The following SMIM10L1 variants were observed in gnomAD, a reference collection of about 807,000 sequenced individuals.
SMIM10L1 encodes small integral membrane protein 10-like protein 1.
In SMIM10L1, 6 loss-of-function variants were observed where a neutral mutation model predicts 4.5. That is an observed-to-expected ratio of 1.33 (90% CI 0.73 to 2.62). SMIM10L1 has a LOEUF of 2.62. SMIM10L1 is among the 30% of genes most tolerant of loss of function. The pLI is 0.00. For synonymous variants in SMIM10L1, 49 were observed against 42.2 expected, an observed-to-expected ratio of 1.16 and a Z score of -0.63; for missense variants, 66 against 86.2, an observed-to-expected ratio of 0.77 and a Z score of 0.93.
rs1947837745 is a variant in SMIM10L1, at chr12:11,171,361, C to A, written c.5C>A (p.Ala2Asp). 1 of 1,231,576 alleles carries A rather than the reference C, an allele frequency of 8.1e-7. No individual in the cohort carries two copies. Among genetic ancestry groups the A allele is most frequent in the Non-Finnish European group, 1.0e-6 (1 of 987,562 alleles). 76.3% of individuals were successfully genotyped at this position (1,231,576 alleles called of 1,614,324 possible). M[A>D]PAAAPSSLAV... ...GCGGGCGGCGACACCTGGCTCATGG[C>A]CCCCGCGGCGGCTCCGTCCTCCTTG... The change falls in exon 1 of 1, where the codon GCC becomes GAC. Residue 2 changes from alanine to aspartate, a missense_variant. Ala to Asp is a moderately radical substitution (Grantham distance 126, BLOSUM62 -2). Coordinates refer to ENST00000622602, the MANE Select transcript of SMIM10L1 (RefSeq NM_001271592.2).
At position 11,171,643 on chromosome 12, in the gene SMIM10L1, A is replaced by C. The variant is rs1947852204; in HGVS notation, c.*80A>C. On this transcript the variant is annotated 3_prime_UTR_variant, in exon 1 of 1. Transcript: ENST00000622602. ...TCCGTTGCGGCGCGGCGGAGCAGCC[A>C]ATGGCGAGCCCCACAGTCTCGCGAG... 1 of 1,023,292 alleles carries C rather than the reference A, an allele frequency of 9.8e-7. No homozygotes were observed. The highest frequency in any genetic ancestry group is 1.7e-5 in the African/African-American group (1 of 60,478). 63.4% of individuals were successfully genotyped at this position (1,023,292 alleles called of 1,614,324 possible).
In SMIM10L1 at chr12:11,173,188, A is replaced by G. The variant is rs1947893292; in HGVS notation, c.*1625A>G. The G allele has an allele frequency of 6.6e-6, 1 of 152,130 alleles. No homozygotes were observed. Among genetic ancestry groups the G allele is most frequent in the East Asian group, 1.9e-4 (1 of 5,190 alleles). 9.4% of individuals were successfully genotyped at this position (152,130 alleles called of 1,614,324 possible). ...CATTGTGTCCAGCAAACAGTGTTCTATGGCTTTAAGTAGTAAGCATCTTGC... is the reference window on the plus strand; with the variant it reads ...CATTGTGTCCAGCAAACAGTGTTCTGTGGCTTTAAGTAGTAAGCATCTTGC... On this transcript the variant is annotated 3_prime_UTR_variant, in exon 1 of 1. Coordinates refer to ENST00000622602, the MANE Select transcript of SMIM10L1 (RefSeq NM_001271592.2).
In SMIM10L1 at chr12:11,171,598, A is replaced by T; in HGVS notation, c.*35A>T. 2 of 1,220,244 alleles carry T rather than the reference A, an allele frequency of 1.6e-6. No homozygotes were observed. Among genetic ancestry groups the T allele is most frequent in the Non-Finnish European group, 2.0e-6 (2 of 977,182 alleles). The allele number at this position is 1,220,244 out of a possible 1,614,324, so 75.6% of individuals were successfully genotyped here. A position where few individuals can be genotyped will look rare whatever the true frequency, so the allele number is the denominator to read the frequency against. Reference sequence around the variant, plus strand: ...TAAGCTAACGGCCTCCGGGGCCAGCATGATGGCCGACTCCCAGGGTCCGTT... The same window carrying T: ...TAAGCTAACGGCCTCCGGGGCCAGCTTGATGGCCGACTCCCAGGGTCCGTT... On this transcript the variant is annotated 3_prime_UTR_variant, in exon 1 of 1. Coordinates refer to ENST00000622602, the MANE Select transcript of SMIM10L1 (RefSeq NM_001271592.2).
rs1161726006 is a variant in SMIM10L1 at position 11,171,742 on chromosome 12, A to T, written c.*179A>T. 2 of 409,662 alleles carry T rather than the reference A, an allele frequency of 4.9e-6. No individual in the cohort carries two copies. Among genetic ancestry groups the T allele is most frequent in the Non-Finnish European group, 8.4e-6 (2 of 237,726 alleles). 25.4% of individuals were successfully genotyped at this position (409,662 alleles called of 1,614,324 possible). On this transcript the variant is annotated 3_prime_UTR_variant, in exon 1 of 1. Coordinates refer to ENST00000622602, the MANE Select transcript of SMIM10L1 (RefSeq NM_001271592.2). ...CCTCAGGGGGCGGCCGGGAGCCTACAATCCCTAGAAAGAGAATACGCTGTT... is the reference window on the plus strand; with the variant it reads ...CCTCAGGGGGCGGCCGGGAGCCTACTATCCCTAGAAAGAGAATACGCTGTT...
At position 11,171,430 on chromosome 12, in the gene SMIM10L1, GCGT is replaced by G. The variant is rs1947841068; in HGVS notation, c.76_78del (p.Val26del). ...CCCGCCGCGACACCCACCTCGTACGGCGTCTTCTGCAAGGGGCTCTCCCGCACC... is the reference window on the plus strand; with the variant it reads ...CCCGCCGCGACACCCACCTCGTACGGCTTCTGCAAGGGGCTCTCCCGCACC... On this transcript the variant is annotated inframe_deletion, in exon 1 of 1. Transcript: ENST00000622602. 8.1e-7 allele frequency: 1 copy of G among 1,231,666 alleles called. No individual in the cohort carries two copies. Among genetic ancestry groups the G allele is most frequent in the South Asian group, 4.1e-5 (1 of 24,294 alleles). The allele number at this position is 1,231,666 out of a possible 1,614,324, so 76.3% of individuals were successfully genotyped here. A position where few individuals can be genotyped will look rare whatever the true frequency, so the allele number is the denominator to read the frequency against.
In SMIM10L1 at chr12:11,175,432, G is replaced by A. The variant is rs1947934066; in HGVS notation, c.*3869G>A. 6.6e-6 allele frequency: 1 copy of A among 152,232 alleles called. No homozygotes were observed. Among genetic ancestry groups the A allele is most frequent in the South Asian group, 2.1e-4 (1 of 4,830 alleles). The allele number at this position is 152,232 out of a possible 1,614,324, so 9.4% of individuals were successfully genotyped here. A position where few individuals can be genotyped will look rare whatever the true frequency, so the allele number is the denominator to read the frequency against. ...CAATAGCTTTTGATAGCGTCAAGAA[G>A]AAAATAAAGTTACATGCAGAAGCAT... is the stretch of plus-strand genomic sequence containing the variant. On this transcript the variant is annotated 3_prime_UTR_variant, in exon 1 of 1. Coordinates refer to ENST00000622602, the MANE Select transcript of SMIM10L1 (RefSeq NM_001271592.2).
chr12:11,173,962 A>G lies in SMIM10L1; in HGVS notation c.*2399A>G, dbSNP rs1207645461. On this transcript the variant is annotated 3_prime_UTR_variant, in exon 1 of 1. Coordinates refer to ENST00000622602, the MANE Select transcript of SMIM10L1 (RefSeq NM_001271592.2). ...TATAGTTACTACTTACTATATATGT[A>G]TACAGTATATAAGTATATATGTATA... is the stretch of plus-strand genomic sequence containing the variant. 2 of 151,396 alleles carry G rather than the reference A, an allele frequency of 1.3e-5. No individual in the cohort carries two copies. Among genetic ancestry groups the G allele is most frequent in the Admixed American group, 6.6e-5 (1 of 15,156 alleles). 9.4% of individuals were successfully genotyped at this position (151,396 alleles called of 1,614,324 possible).
At position 11,174,735 on chromosome 12, in the gene SMIM10L1, G is replaced by T. The variant is rs1947924109; in HGVS notation, c.*3172G>T. 6.6e-6 allele frequency: 1 copy of T among 151,608 alleles called. No individual in the cohort carries two copies. Among genetic ancestry groups the T allele is most frequent in the Non-Finnish European group, 1.5e-5 (1 of 67,852 alleles). 9.4% of individuals were successfully genotyped at this position (151,608 alleles called of 1,614,324 possible). On this transcript the variant is annotated 3_prime_UTR_variant, in exon 1 of 1. Transcript: ENST00000622602. ...AATACATGTGATTACTTGACAAATA[G>T]CATATCATTACCATCAGCATCATTT...
chr12:11,171,380 C>T lies in SMIM10L1; in HGVS notation c.24C>T (p.Ser8=), dbSNP rs148825190. MAPAAAP[S]SLAVRASSPA... Reference sequence around the variant, plus strand: ...TCATGGCCCCCGCGGCGGCTCCGTCCTCCTTGGCCGTCAGGGCCTCAAGCC... The same window carrying T: ...TCATGGCCCCCGCGGCGGCTCCGTCTTCCTTGGCCGTCAGGGCCTCAAGCC... Residue 8 remains serine (S), a synonymous_variant, in exon 1 of 1, where the codon TCC becomes TCT. Coordinates refer to ENST00000622602, the MANE Select transcript of SMIM10L1 (RefSeq NM_001271592.2). 8.1e-7 allele frequency: 1 copy of T among 1,231,838 alleles called. No homozygotes were observed. Among genetic ancestry groups the T allele is most frequent in the Non-Finnish European group, 1.0e-6 (1 of 987,864 alleles). 76.3% of individuals were successfully genotyped at this position (1,231,838 alleles called of 1,614,324 possible).
Position 11,171,449 on chromosome 12 carries a change from C to T in SMIM10L1, c.93C>T (p.Leu31=), listed in dbSNP as rs1947841683. 1 of 1,231,990 alleles carries T rather than the reference C, an allele frequency of 8.1e-7. No individual in the cohort carries two copies. Among genetic ancestry groups the T allele is most frequent in the East Asian group, 3.2e-5 (1 of 31,680 alleles). 76.3% of individuals were successfully genotyped at this position (1,231,990 alleles called of 1,614,324 possible). A position where few individuals can be genotyped will look rare whatever the true frequency, so the allele number is the denominator to read the frequency against. ...CGTACGGCGTCTTCTGCAAGGGGCT[C>T]TCCCGCACCCTGCTCGCCTTCTTCG... is the stretch of plus-strand genomic sequence containing the variant. The part of the protein sequence containing the change: ...PTSYGVFCKG[L]SRTLLAFFEL... Residue 31 remains leucine, a synonymous_variant, in exon 1 of 1, where the codon CTC becomes CTT. Coordinates refer to ENST00000622602, the MANE Select transcript of SMIM10L1 (RefSeq NM_001271592.2).
Position 11,174,199 on chromosome 12 carries a change from C to T in SMIM10L1, c.*2636C>T, listed in dbSNP as rs1052561354. 14 of 152,040 alleles carry T rather than the reference C, an allele frequency of 9.2e-5. No homozygotes were observed. Among genetic ancestry groups the T allele is most frequent in the African/African-American group, 3.1e-4 (13 of 41,394 alleles). 9.4% of individuals were successfully genotyped at this position (152,040 alleles called of 1,614,324 possible). On this transcript the variant is annotated 3_prime_UTR_variant, in exon 1 of 1. Coordinates refer to ENST00000622602, the MANE Select transcript of SMIM10L1 (RefSeq NM_001271592.2). ...CCCAGGAGACAAAACAAGATTTTGA[C>T]CTGAATAAACCACTTATTGTTGTAA...
Position 11,171,790 on chromosome 12 carries a change from G to A in SMIM10L1, c.*227G>A. 2 of 379,234 alleles carry A rather than the reference G, an allele frequency of 5.3e-6. No individual in the cohort carries two copies. Among genetic ancestry groups the A allele is most frequent in the Non-Finnish European group, 9.3e-6 (2 of 214,294 alleles). 23.5% of individuals were successfully genotyped at this position (379,234 alleles called of 1,614,324 possible). On this transcript the variant is annotated 3_prime_UTR_variant, in exon 1 of 1. Coordinates refer to ENST00000622602, the MANE Select transcript of SMIM10L1 (RefSeq NM_001271592.2). ...GTTCCGGAAACAGAACTGCAGTTAAGACCCTCGAAAACATCTAAGAAAGTG... is the reference window on the plus strand; with the variant it reads ...GTTCCGGAAACAGAACTGCAGTTAAAACCCTCGAAAACATCTAAGAAAGTG...
chr12:11,174,561 G>A lies in SMIM10L1; in HGVS notation c.*2998G>A, dbSNP rs540616927. The A allele has an allele frequency of 6.7e-6, 1 of 148,822 alleles. No homozygotes were observed. The highest frequency in any genetic ancestry group is 2.4e-5 in the African/African-American group (1 of 41,104). The allele number at this position is 148,822 out of a possible 1,614,324, so 9.2% of individuals were successfully genotyped here. A position where few individuals can be genotyped will look rare whatever the true frequency, so the allele number is the denominator to read the frequency against. ...ATAGGTGGTATAGTTATTATCAATA[G>A]AGATAAGAAATGTAGCTGGCAAAAA... On this transcript the variant is annotated 3_prime_UTR_variant, in exon 1 of 1. Coordinates refer to ENST00000622602, the MANE Select transcript of SMIM10L1 (RefSeq NM_001271592.2).
At position 11,171,621 on chromosome 12, in the gene SMIM10L1, G is replaced by A. The variant is rs1424152146; in HGVS notation, c.*58G>A. 3 of 1,180,870 alleles carry A rather than the reference G, an allele frequency of 2.5e-6. No homozygotes were observed. The highest frequency in any genetic ancestry group is 4.2e-5 in the Admixed American group (1 of 23,646). The allele number at this position is 1,180,870 out of a possible 1,614,324, so 73.1% of individuals were successfully genotyped here. On this transcript the variant is annotated 3_prime_UTR_variant, in exon 1 of 1. Coordinates refer to ENST00000622602, the MANE Select transcript of SMIM10L1 (RefSeq NM_001271592.2). ...GCATGATGGCCGACTCCCAGGGTCC[G>A]TTGCGGCGCGGCGGAGCAGCCAATG...
rs1040526447 is a variant in SMIM10L1 at position 11,172,977 on chromosome 12, CAT to C, written c.*1415_*1416del. 5.9e-5 allele frequency: 9 copies of C among 151,870 alleles called. No homozygotes were observed. Among genetic ancestry groups the C allele is most frequent in the South Asian group, 2.1e-4 (1 of 4,824 alleles). The allele number at this position is 151,870 out of a possible 1,614,324, so 9.4% of individuals were successfully genotyped here. A position where few individuals can be genotyped will look rare whatever the true frequency, so the allele number is the denominator to read the frequency against. On this transcript the variant is annotated 3_prime_UTR_variant, in exon 1 of 1. Coordinates refer to ENST00000622602, the MANE Select transcript of SMIM10L1 (RefSeq NM_001271592.2). ...AAAAATGCAGAAAAAGGAGTATACA[CAT>C]GTTTTCTTCGGATTAAAAAAACTAA...
Position 11,171,698 on chromosome 12 carries a change from C to T in SMIM10L1, c.*135C>T, listed in dbSNP as rs1457963937. 1.7e-6 allele frequency: 1 copy of T among 580,138 alleles called. No homozygotes were observed. Among genetic ancestry groups the T allele is most frequent in the Non-Finnish European group, 2.5e-6 (1 of 392,942 alleles). The allele number at this position is 580,138 out of a possible 1,614,324, so 35.9% of individuals were successfully genotyped here. On this transcript the variant is annotated 3_prime_UTR_variant, in exon 1 of 1. Coordinates refer to ENST00000622602, the MANE Select transcript of SMIM10L1 (RefSeq NM_001271592.2). ...CTCAGGCGCTCTTCGTGGCTGCCCT[C>T]TTAGCTGCTAGCGGAGCTCCTCAGG...
Position 11,174,814 on chromosome 12 carries a change from A to G in SMIM10L1, c.*3251A>G, listed in dbSNP as rs1808790193. The G allele has an allele frequency of 6.6e-6, 1 of 152,498 alleles. No individual in the cohort carries two copies. The highest frequency in any genetic ancestry group is 2.1e-4 in the South Asian group (1 of 4,830). 9.4% of individuals were successfully genotyped at this position (152,498 alleles called of 1,614,324 possible). ...GAACTATGAAAAACTATTTATATAC[A>G]TGAGCTCCGTAATTCTCACATATAC... On this transcript the variant is annotated 3_prime_UTR_variant, in exon 1 of 1. Transcript: ENST00000622602.
chr12:11,174,597 A>G lies in SMIM10L1; in HGVS notation c.*3034A>G, dbSNP rs1300077495. Reference sequence around the variant, plus strand: ...TGTAGCTGGCAAAAAAAAAAATGGGAAACGATGCGTTACAGCTTATTTTAA... The same window carrying G: ...TGTAGCTGGCAAAAAAAAAAATGGGGAACGATGCGTTACAGCTTATTTTAA... On this transcript the variant is annotated 3_prime_UTR_variant, in exon 1 of 1. Transcript: ENST00000622602. The G allele has an allele frequency of 6.6e-6, 1 of 151,364 alleles. No individual in the cohort carries two copies. Among genetic ancestry groups the G allele is most frequent in the African/African-American group, 2.4e-5 (1 of 41,274 alleles). The allele number at this position is 151,364 out of a possible 1,614,324, so 9.4% of individuals were successfully genotyped here.
At position 11,175,089 on chromosome 12, in the gene SMIM10L1, T is replaced by C. The variant is rs1418798441; in HGVS notation, c.*3526T>C. On this transcript the variant is annotated 3_prime_UTR_variant, in exon 1 of 1. Transcript: ENST00000622602. The stretch of plus-strand genomic sequence containing the variant: ...TTTTTTTTAACATAACTATTGAGGG[T>C]CTTTCATACTAAAATATAAATATTT... 1 of 152,148 alleles carries C rather than the reference T, an allele frequency of 6.6e-6. No homozygotes were observed. Among genetic ancestry groups the C allele is most frequent in the Non-Finnish European group, 1.5e-5 (1 of 68,024 alleles). 9.4% of individuals were successfully genotyped at this position (152,148 alleles called of 1,614,324 possible).
Sources: allele counts gnomAD v4.1 joint callset, GRCh38; gene constraint gnomAD v4.1.1; transcripts MANE v1.5; gene names NCBI Gene and HGNC (gene_info 2026-07-23, HGNC 2026-07-21).